The following SLC35F3 variants were observed in gnomAD, a reference collection of about 807,000 sequenced individuals.
SLC35F3 encodes the protein solute carrier family 35 member F3.
SLC35F3 carries 25 observed loss-of-function variants against 49.9 expected under a neutral mutation model. The ratio of observed to expected loss-of-function variants is 0.50; its 90% confidence interval spans 0.37 to 0.70. SLC35F3 has a LOEUF of 0.70. SLC35F3 is among the 30% of genes least tolerant of loss of function. SLC35F3 has a pLI of 0.00. For synonymous variants in SLC35F3, 275 were observed against 265.4 expected (o/e 1.04, Z -0.35); for missense variants, 525 against 639.8 (o/e 0.82, Z 1.94).
Position 234,320,828 on chromosome 1 carries a change from C to G in SLC35F3, c.1237+641C>G, listed in dbSNP as rs1332860299. On this transcript the variant is annotated intron_variant, in intron 7 of 7. Transcript: ENST00000366618. This position sits in a 1 kb window ranked among gnomAD's most constrained non-coding sequence, Gnocchi z 4.8. ...GCTTGTCTTCACCTGCCCCTCACTG[C>G]CTTCCTTTTCCTGGCTCGCACGGAT... is the stretch of plus-strand genomic sequence containing the variant. Among the ~76,000 whole-genome samples the G allele has an allele frequency of 6.6e-6, 1 of 152,138 alleles. No homozygotes were observed. The highest frequency in any genetic ancestry group is 6.5e-5 in the Admixed American group (1 of 15,276).
At chr1:233,948,839 T>A (rs959103489) in intron 2 of SLC35F3, among the ~76,000 whole-genome samples, 1 of 151,778 alleles carries the variant, frequency 6.6e-6, no homozygotes, top group Non-Finnish European at 1.5e-5. Context: ...TGCGATAGTT[T>A]ACTGAGAGGT....
Position 234,178,111 on chromosome 1 carries a change from T to C in SLC35F3, c.284-53306T>C, listed in dbSNP as rs949623422. ...AGGAATAAAAGTGTTAGAACAATGA[T>C]AGCATTTTAGTAATAAGAGCACCAT... On this transcript the variant is annotated intron_variant, in intron 2 of 7. Transcript: ENST00000366618. 2.0e-5 allele frequency among the ~76,000 whole-genome samples: 3 copies of C among 152,208 alleles called. No homozygotes were observed. In the East Asian group the frequency reaches 5.8e-4, roughly 29 times the overall value.
chr1:233,925,016 G>A (rs1331273664), intron 2 of SLC35F3, among the ~76,000 whole-genome samples: 2 of 152,132 alleles, frequency 1.3e-5, no homozygotes, highest in South Asian at 2.1e-4. Flanking sequence ...TATAATTTCT[G>A]TTCTTTTACA....
At chr1:233,935,086 G>T (rs1164016769) in intron 2 of SLC35F3, among the ~76,000 whole-genome samples, 1 of 147,566 alleles carries the variant, frequency 6.8e-6, no homozygotes, top group Non-Finnish European at 1.5e-5. Flanking sequence ...TAACATTTCA[G>T]TCATGATTAT....
intron 2 of SLC35F3, among the ~76,000 whole-genome samples, chr1:234,196,692 C>A (rs990011054): frequency 1.3e-5 from 2 of 152,266 alleles, no homozygotes; most frequent in Non-Finnish European, 2.9e-5. Flanking sequence ...GTAAGCCCAG[C>A]ACTTCAGGAG....
intron 2 of SLC35F3, among the ~76,000 whole-genome samples, chr1:233,922,950 A>T (rs185153821): frequency 6.6e-6 from 1 of 152,260 alleles, no homozygotes; most frequent in East Asian, 1.9e-4. Context: ...CAAAGATCAG[A>T]TGGTTGTAGA....
chr1:234,156,088 G>T (rs571789675), intron 2 of SLC35F3, among the ~76,000 whole-genome samples: 32 of 151,872 alleles, frequency 2.1e-4, no homozygotes, highest in Non-Finnish European at 1.5e-4. Context: ...ATATGAAAAG[G>T]TTTCAAAAAT....
chr1:234,267,538 C>T (rs1208305797), intron 3 of SLC35F3, among the ~76,000 whole-genome samples: 51 of 145,808 alleles, frequency 3.5e-4, no homozygotes, highest in African/African-American at 7.5e-4. Flanking sequence ...CCGGACGGGG[C>T]GGCTGGCCGG....
intron 2 of SLC35F3, among the ~76,000 whole-genome samples, chr1:234,042,964 C>G (rs12024785): frequency 1.3e-5 from 2 of 152,100 alleles, no homozygotes; most frequent in Admixed American, 1.3e-4. Context: ...TAATTACTTC[C>G]GTAAGTCTAA....
chr1:234,007,618 T>G (rs1663650125), intron 2 of SLC35F3, among the ~76,000 whole-genome samples: 1 of 152,206 alleles, frequency 6.6e-6, no homozygotes, highest in Non-Finnish European at 1.5e-5. Flanking sequence ...TTAAGTTTCC[T>G]TTGCTTCCTT....
intron 2 of SLC35F3, among the ~76,000 whole-genome samples, chr1:234,103,191 T>G (rs1247186887): frequency 6.6e-6 from 1 of 152,186 alleles, no homozygotes; most frequent in African/African-American, 2.4e-5. Context: ...TGTGTTAAGG[T>G]GCAGCTGCCT....
chr1:234,223,154 T>G (rs1263480983), intron 2 of SLC35F3, among the ~76,000 whole-genome samples: 1 of 152,200 alleles, frequency 6.6e-6, no homozygotes, highest in Non-Finnish European at 1.5e-5. Context: ...TTAGGCTGAG[T>G]ACATTCCAGG....
intron 2 of SLC35F3, among the ~76,000 whole-genome samples, chr1:233,943,955 A>G (rs1662472249): frequency 6.6e-6 from 1 of 152,222 alleles, no homozygotes; most frequent in African/African-American, 2.4e-5. Flanking sequence ...GAAAAAATGG[A>G]ATTAAGGCAG....
intron 2 of SLC35F3, among the ~76,000 whole-genome samples, chr1:234,008,670 T>C (rs2102836369): frequency 6.6e-6 from 1 of 152,258 alleles, no homozygotes; most frequent in Middle Eastern, 3.4e-3. Flanking sequence ...CTAGGAAGAG[T>C]TTCCAAGTAC....
At chr1:234,126,450 C>G (rs908768519) in intron 2 of SLC35F3, among the ~76,000 whole-genome samples, 1 of 133,324 alleles carries the variant, frequency 7.5e-6, no homozygotes, top group Admixed American at 7.1e-5. Flanking sequence ...GACATTGATA[C>G]AATCCACTGA....
intron 3 of SLC35F3, among the ~76,000 whole-genome samples, chr1:234,280,926 T>C (rs550528631): frequency 3.3e-5 from 5 of 152,332 alleles, no homozygotes; most frequent in African/African-American, 1.2e-4. Flanking sequence ...GCTGAAGTTC[T>C]GTGTGCACCA....
chr1:233,973,216 G>C (rs1663023365), intron 2 of SLC35F3, among the ~76,000 whole-genome samples: 1 of 152,216 alleles, frequency 6.6e-6, no homozygotes, highest in African/African-American at 2.4e-5. Context: ...TAGGGTCTGT[G>C]AGAGCCACAG....
intron 2 of SLC35F3, among the ~76,000 whole-genome samples, chr1:234,014,846 G>T (rs1572019920): frequency 6.6e-6 from 1 of 152,126 alleles, no homozygotes; most frequent in East Asian, 1.9e-4. Context: ...TAAATGGAAA[G>T]GTATTCTGCA....
At chr1:234,270,876 A>T (rs751018043) in intron 3 of SLC35F3, among the ~76,000 whole-genome samples, 1 of 152,240 alleles carries the variant, frequency 6.6e-6, no homozygotes, top group African/African-American at 2.4e-5. Flanking sequence ...AAGCTTGATG[A>T]TGCTGCTCAG....
Sources: gnomAD v4.1 joint callset for allele counts (sites outside exome capture counted in the v4.1 genomes callset) on GRCh38, gnomAD v4.1.1 for gene constraint, Gnocchi (gnomAD v3.1) non-coding constraint, MANE v1.5 for transcripts, NCBI Gene and HGNC (gene_info 2026-07-23, HGNC 2026-07-21) for gene names.